The following PRKCB variants were observed in gnomAD, a reference collection of about 807,000 sequenced individuals.
The protein encoded by PRKCB is protein kinase C beta type.
Under a neutral mutation model 81.5 loss-of-function variants are expected in PRKCB, and 13 were observed. The observed-to-expected ratio is 0.16, with a 90% CI of 0.10 to 0.25. PRKCB has a LOEUF of 0.25. Among genes scored for constraint, PRKCB ranks in the 10% least tolerant of loss-of-function variants. The probability of loss-of-function intolerance (pLI) is 1.00; values close to 1 mark genes in which losing one functional copy is unlikely to be tolerated. For missense variants in PRKCB, 509 were observed against 875.7 expected, an observed-to-expected ratio of 0.58 and a Z score of 5.29; for synonymous variants, 335 against 321.4, an observed-to-expected ratio of 1.04 and a Z score of -0.45.
chr16:23,857,492 AGGGCT>A (rs1320167149), intron 2 of PRKCB, among the ~76,000 whole-genome samples: 1 of 152,038 alleles, frequency 6.6e-6, no homozygotes, highest in Non-Finnish European at 1.5e-5. Context: ...GAGACTTCCA[AGGGCT>A]GGGATTCAGT....
intron 10 of PRKCB, among the ~76,000 whole-genome samples, chr16:24,167,772 A>T (rs1490598196): frequency 6.6e-6 from 1 of 152,186 alleles, no homozygotes; most frequent in African/African-American, 2.4e-5. Flanking sequence ...TGAGGGGTTG[A>T]GAGTGTAGAG....
intron 2 of PRKCB, among the ~76,000 whole-genome samples, chr16:23,940,665 A>G (rs576465243): frequency 8.5e-5 from 13 of 152,238 alleles, no homozygotes; most frequent in African/African-American, 3.1e-4. Flanking sequence ...TATGTAACAT[A>G]TACAATGAAT....
intron 2 of PRKCB, chr16:23,963,230 A>G (rs1173326761): frequency 6.6e-6 from 1 of 152,206 alleles, no homozygotes; most frequent in Non-Finnish European, 1.5e-5. Flanking sequence ...CTGTTTTCTC[A>G]TCTCTAAAAT....
chr16:24,118,576 A>T (rs1285636745), intron 8 of PRKCB, among the ~76,000 whole-genome samples: 2 of 152,174 alleles, frequency 1.3e-5, no homozygotes, highest in Non-Finnish European at 2.9e-5. Context: ...GGCATTCATC[A>T]TCGGGAGTGG....
chr16:24,157,395 T>TAGTG (rs1395737524), intron 10 of PRKCB, among the ~76,000 whole-genome samples: 3 of 151,782 alleles, frequency 2.0e-5, no homozygotes, highest in Admixed American at 6.6e-5. Context: ...CTAGTTATGA[T>TAGTG]AGTGAGTGAA....
intron 2 of PRKCB, among the ~76,000 whole-genome samples, chr16:23,882,025 C>CCTTCCTTCCTTCCTTG (rs1963128786): frequency 5.5e-5 from 1 of 18,330 alleles, no homozygotes; most frequent in Non-Finnish European, 1.2e-4. Context: ...TTTCTTTCTT[C>CCTTCCTTCCTTCCTTG]CTTCCTTCCT....
rs1046567792 is a variant in PRKCB, at chr16:23,836,769, G to GGGGT, written c.173+424_173+425insTGGG. On this transcript the variant is annotated intron_variant, in intron 1 of 16. Coordinates refer to ENST00000643927, the MANE Select transcript of PRKCB (RefSeq NM_002738.7). ...CCCTCGCCCCCCACCCCTTGTTTCC[G>GGGGT]GGGGGGGCGGCGCCCTGGGTGTCCT... Among the ~76,000 whole-genome samples, 19 of 9,394 alleles carry GGGGT rather than the reference G, an allele frequency of 2.0e-3. 2 individuals carry two copies. Among genetic ancestry groups the GGGGT allele is most frequent in the Admixed American group, 4.0e-3 (3 of 750 alleles). 6.2% of individuals were successfully genotyped at this position (9,394 alleles called of 152,430 possible).
intron 9 of PRKCB, among the ~76,000 whole-genome samples, chr16:24,131,190 G>A (rs773060738): frequency 2.0e-5 from 3 of 152,210 alleles, no homozygotes; most frequent in Non-Finnish European, 2.9e-5. Context: ...AGGTGCCCAG[G>A]TATCACATTT....
chr16:24,097,769 G>T (rs977187024), intron 7 of PRKCB, among the ~76,000 whole-genome samples: 3 of 152,128 alleles, frequency 2.0e-5, no homozygotes, highest in African/African-American at 7.2e-5. Flanking sequence ...ACTAAAAGTG[G>T]GACGGGGAGG....
intron 12 of PRKCB, among the ~76,000 whole-genome samples, chr16:24,175,153 G>T (rs1967507923): frequency 6.6e-6 from 1 of 152,038 alleles, no homozygotes; most frequent in Non-Finnish European, 1.5e-5. Flanking sequence ...ACCCGAGGCT[G>T]CTATTTGTCA....
intron 5 of PRKCB, among the ~76,000 whole-genome samples, chr16:24,049,369 GCACACCCGGGACC>G (rs1965812513): frequency 1.4e-5 from 2 of 143,618 alleles, no homozygotes; most frequent in Non-Finnish European, 3.1e-5. Context: ...CACTACCCTG[GCACACCCGGGACC>G]TGCACCCTTA....
At chr16:24,075,642 C>T (rs986442320) in intron 5 of PRKCB, among the ~76,000 whole-genome samples, 3 of 152,198 alleles carry the variant, frequency 2.0e-5, no homozygotes, top group African/African-American at 7.2e-5. Context: ...ATTCTAATGT[C>T]AGAAATCCTA....
At chr16:24,209,772 T>G (rs1049844667) in intron 16 of PRKCB, among the ~76,000 whole-genome samples, 1 of 152,120 alleles carries the variant, frequency 6.6e-6, no homozygotes, top group African/African-American at 2.4e-5. Context: ...CCCGCTCATT[T>G]AATCTATCCT....
intron 12 of PRKCB, among the ~76,000 whole-genome samples, chr16:24,177,621 A>C (rs915716985): frequency 2.6e-5 from 4 of 152,228 alleles, no homozygotes; most frequent in Non-Finnish European, 5.9e-5. Context: ...AAAGCATAGA[A>C]TCAAGAGTGA....
intron 16 of PRKCB, among the ~76,000 whole-genome samples, chr16:24,200,367 C>G (rs74013163): frequency 0.033 from 4,954 of 150,960 alleles, 243 homozygotes; most frequent in African/African-American, 0.11. Context: ...CTGTTTATCT[C>G]TCTCCACCTA....
At chr16:23,917,403 G>C (rs1259531946) in intron 2 of PRKCB, among the ~76,000 whole-genome samples, 1 of 152,216 alleles carries the variant, frequency 6.6e-6, no homozygotes, top group Admixed American at 6.5e-5. Context: ...TGATTGCATC[G>C]TGGTCCATAG....
At chr16:23,904,757 T>C (rs1963531082) in intron 2 of PRKCB, among the ~76,000 whole-genome samples, 1 of 152,134 alleles carries the variant, frequency 6.6e-6, no homozygotes, top group Admixed American at 6.5e-5. Context: ...TGTCAGTTAT[T>C]GGTAGTACTC....
Position 23,979,407 on chromosome 16 carries a change from CAT to C in PRKCB, c.206-9100_206-9099del, listed in dbSNP as rs546327752. On this transcript the variant is annotated intron_variant, in intron 2 of 16. Coordinates refer to ENST00000643927, the MANE Select transcript of PRKCB (RefSeq NM_002738.7). The stretch of plus-strand genomic sequence containing the variant: ...TCTCATTTAGATTTTTGTTAACACT[CAT>C]GTGCCATTCGGTGGATTTAGATCCT... Among the ~76,000 whole-genome samples the C allele has an allele frequency of 3.6e-3, 550 of 152,276 alleles. 2 individuals carry two copies. Among genetic ancestry groups the C allele is most frequent in the African/African-American group, 0.012 (519 of 41,532 alleles).
At chr16:23,875,614 A>ACATATATGTATGTATAT (rs1209826435) in intron 2 of PRKCB, among the ~76,000 whole-genome samples, 2 of 147,132 alleles carry the variant, frequency 1.4e-5, no homozygotes, top group African/African-American at 4.9e-5. Context: ...TGTATATCAC[A>ACATATATGTATGTATAT]CACATATATG....
Sources: allele counts gnomAD v4.1 joint callset (sites outside exome capture counted in the v4.1 genomes callset), GRCh38; gene constraint gnomAD v4.1.1; transcripts MANE v1.5; gene names NCBI Gene and HGNC (gene_info 2026-07-23, HGNC 2026-07-21).